Variants in MALRD1 observed in about 807,000 individuals in gnomAD.
MALRD1 encodes MAM and LDL receptor class A domain containing 1.
In MALRD1, 247 loss-of-function variants were observed where a neutral mutation model predicts 242.1. The ratio of observed to expected loss-of-function variants is 1.02; its 90% CI spans 0.92 to 1.13. The LOEUF (loss-of-function observed/expected upper bound fraction) is 1.13. MALRD1 is among the 50% of genes most tolerant of loss of function. MALRD1 has a pLI of 0.00. For missense variants in MALRD1, 2,989 were observed against 2,533.1 expected, an observed-to-expected ratio of 1.18 and a Z score of -3.86; for synonymous variants, 995 against 866.6, an observed-to-expected ratio of 1.15 and a Z score of -2.60.
chr10:19,331,658 G>C, intron 24 of MALRD1, 76 bp downstream of exon 24: 1 of 1,188,260 alleles, frequency 8.4e-7, no homozygotes, highest in Non-Finnish European at 1.2e-6. Flanking sequence ...GTTTATTGTT[G>C]AAACATGCAG....
chr10:19,405,442 T>C (rs1564312445), intron 28 of MALRD1, among the ~76,000 whole-genome samples: 3 of 152,282 alleles, frequency 2.0e-5, no homozygotes, highest in South Asian at 2.1e-4. Context: ...GATTATTCTG[T>C]TCTAGTTGCT....
intron 36 of MALRD1, among the ~76,000 whole-genome samples, chr10:19,627,098 A>G (rs1038006538): frequency 2.6e-5 from 4 of 152,156 alleles, no homozygotes; most frequent in African/African-American, 9.6e-5. Context: ...AGTTAATGAG[A>G]ATGGATGAGT....
Position 19,460,060 on chromosome 10 carries a change from T to C in MALRD1, c.5029+9570T>C, listed in dbSNP as rs541337835. Among the ~76,000 whole-genome samples the C allele has an allele frequency of 1.5e-4, 23 of 152,174 alleles. No homozygotes were observed. In the South Asian group the frequency reaches 4.3e-3, roughly 29 times the overall value. On this transcript the variant is annotated intron_variant, in intron 29 of 39. Transcript: ENST00000454679. ...GATCTAGGTCAGTAGGACCATTGCA[T>C]AGAGTTTTTGTGATGATATGGTGTT...
intron 19 of MALRD1, among the ~76,000 whole-genome samples, chr10:19,276,353 A>C (rs1214316681): frequency 7.0e-6 from 1 of 143,178 alleles, no homozygotes; most frequent in Non-Finnish European, 1.5e-5. Context: ...CTGAAATGGC[A>C]CAACAAATTT....
chr10:19,488,174 A>C (rs758412792), intron 29 of MALRD1, among the ~76,000 whole-genome samples: 1 of 152,242 alleles, frequency 6.6e-6, no homozygotes, highest in Admixed American at 6.5e-5. Flanking sequence ...TGATGAAATA[A>C]TATTTAAATA....
intron 4 of MALRD1, among the ~76,000 whole-genome samples, chr10:19,103,439 T>C (rs1023550809): frequency 1.3e-5 from 2 of 150,748 alleles, no homozygotes; most frequent in Non-Finnish European, 3.0e-5. Flanking sequence ...TGGGCGCCTG[T>C]AGTCCCAGCT....
intron 4 of MALRD1, among the ~76,000 whole-genome samples, chr10:19,094,591 C>A (rs1294928926): frequency 6.6e-6 from 1 of 151,262 alleles, no homozygotes; most frequent in Non-Finnish European, 1.5e-5. Context: ...CGGAGCTGTT[C>A]CTATTTGGCC....
chr10:19,424,931 A>C (rs1452180191), intron 28 of MALRD1, among the ~76,000 whole-genome samples: 1 of 150,894 alleles, frequency 6.6e-6, no homozygotes, highest in East Asian at 1.9e-4. Context: ...CAAAGAGTGA[A>C]ATGGAAAAAA....
At chr10:19,275,085 C>T (rs559263558) in intron 19 of MALRD1, among the ~76,000 whole-genome samples, 1 of 151,938 alleles carries the variant, frequency 6.6e-6, no homozygotes, top group Non-Finnish European at 1.5e-5. Flanking sequence ...TTCTTTCTTT[C>T]TATTCTTTCT....
Position 19,088,114 on chromosome 10 carries a change from C to A in MALRD1, c.526C>A (p.Gln176Lys), listed in dbSNP as rs770052876. 8.1e-6 allele frequency: 10 copies of A among 1,233,468 alleles called. No individual in the cohort carries two copies. The highest frequency in any genetic ancestry group is 1.0e-5 in the Non-Finnish European group (10 of 987,874). The allele number at this position is 1,233,468 out of a possible 1,614,324, so 76.4% of individuals were successfully genotyped here. Reference protein sequence around the residue: ...ACGGPIQHLWQNTAALPNQWE... With the variant: ...ACGGPIQHLWKNTAALPNQWE... ...TGGAGGTCCTATTCAGCATTTATGG[C>A]AAAACACAGCTGCACTCCCAAATCA... is the stretch of plus-strand genomic sequence containing the variant. The change falls in exon 4 of 40, where the codon CAA becomes AAA. Residue 176 changes from glutamine to lysine, a missense_variant. Physicochemically the swap from Gln to Lys is moderately conservative, Grantham distance 53 (BLOSUM62 1). Coordinates refer to ENST00000454679, the MANE Select transcript of MALRD1 (RefSeq NM_001142308.3).
chr10:19,661,792 A>G (rs1251088880), intron 36 of MALRD1, among the ~76,000 whole-genome samples: 1 of 152,206 alleles, frequency 6.6e-6, no homozygotes, highest in Non-Finnish European at 1.5e-5. Context: ...AATTTTAAAA[A>G]AAAAGAATTT....
intron 32 of MALRD1, among the ~76,000 whole-genome samples, chr10:19,543,359 G>C (rs1263027233): frequency 6.7e-6 from 1 of 149,744 alleles, no homozygotes; most frequent in Non-Finnish European, 1.5e-5. Flanking sequence ...GGCTTCCCAG[G>C]CTCAAGCAAT....
intron 8 of MALRD1, among the ~76,000 whole-genome samples, chr10:19,133,163 A>G (rs975329093): frequency 2.6e-5 from 4 of 152,104 alleles, no homozygotes; most frequent in African/African-American, 4.8e-5. Flanking sequence ...AGTTTCTTAC[A>G]TTCAATACAT....
At chr10:19,651,120 T>A (rs1426718316) in intron 36 of MALRD1, among the ~76,000 whole-genome samples, 1 of 152,238 alleles carries the variant, frequency 6.6e-6, no homozygotes. Flanking sequence ...TCTTTTTCTC[T>A]GTTTAAAAAA....
chr10:19,601,377 A>G (rs1029275232), intron 34 of MALRD1, among the ~76,000 whole-genome samples: 3 of 152,010 alleles, frequency 2.0e-5, no homozygotes, highest in African/African-American at 7.2e-5. Context: ...AATGGCTCAG[A>G]TTATTTTCCT....
chr10:19,241,999 T>C (rs576424270), intron 18 of MALRD1, among the ~76,000 whole-genome samples: 9 of 152,268 alleles, frequency 5.9e-5, no homozygotes, highest in Admixed American at 1.3e-4. Flanking sequence ...AGAGAATGTT[T>C]GGTGTACAGT....
At chr10:19,468,589 A>C (rs1836342287) in intron 29 of MALRD1, among the ~76,000 whole-genome samples, 1 of 151,910 alleles carries the variant, frequency 6.6e-6, no homozygotes. Context: ...AATAAAGTTG[A>C]GTAGAATAGA....
chr10:19,350,725 C>T (rs950797560), intron 25 of MALRD1, among the ~76,000 whole-genome samples: 5 of 152,164 alleles, frequency 3.3e-5, no homozygotes, highest in East Asian at 3.9e-4. Flanking sequence ...AAGATATAAA[C>T]GTATTTACTG....
chr10:19,441,965 G>A (rs1467865364), intron 28 of MALRD1, among the ~76,000 whole-genome samples: 3 of 152,172 alleles, frequency 2.0e-5, no homozygotes, highest in Admixed American at 1.3e-4. Context: ...CTATCCATGA[G>A]CATGGAATGT....
Sources: allele counts gnomAD v4.1 joint callset (sites outside exome capture counted in the v4.1 genomes callset), GRCh38; gene constraint gnomAD v4.1.1; transcripts MANE v1.5; gene names NCBI Gene and HGNC (gene_info 2026-07-23, HGNC 2026-07-21).